The following COL11A1 variants were observed in gnomAD, a reference collection of about 807,000 sequenced individuals.
COL11A1 encodes the protein collagen alpha-1(XI) chain.
In COL11A1, 74 loss-of-function variants were observed where a neutral mutation model predicts 265.2. The ratio of observed to expected loss-of-function variants is 0.28; its 90% CI spans 0.23 to 0.34. The LOEUF is 0.34. Ranked by LOEUF, COL11A1 falls within the 10% of genes least tolerant of loss-of-function variation. The pLI is 1.00. For missense variants in COL11A1, 2,165 were observed against 2,263.6 expected, an observed-to-expected ratio of 0.96 and a Z score of 0.88; for synonymous variants, 816 against 727.6, an observed-to-expected ratio of 1.12 and a Z score of -1.96.
Position 102,913,701 on chromosome 1 carries a change from C to T in COL11A1, c.3979-11G>A, listed in dbSNP as rs376294063. 1.1e-5 allele frequency: 18 copies of T among 1,612,450 alleles called. No homozygotes were observed. The highest frequency in any genetic ancestry group is 1.5e-5 in the Non-Finnish European group (18 of 1,178,850). ...AACACCATCTTGACCCTATAAGAGG[C>T]AATAAAATATGAAGCAAGATATATC... On this transcript the variant is annotated splice_polypyrimidine_tract_variant and intron_variant, in intron 52 of 66. Coordinates refer to ENST00000370096, the MANE Select transcript of COL11A1 (RefSeq NM_001854.4).
chr1:102,959,062 C>T (rs950866890), intron 41 of COL11A1, among the ~76,000 whole-genome samples: 2 of 152,182 alleles, frequency 1.3e-5, no homozygotes, highest in East Asian at 1.9e-4. Context: ...CCCAAGTCAT[C>T]GGCTCACTCC....
At chr1:102,958,760 T>A (rs1165394250) in intron 41 of COL11A1, among the ~76,000 whole-genome samples, 1 of 152,324 alleles carries the variant, frequency 6.6e-6, no homozygotes, top group African/African-American at 2.4e-5. Context: ...CTATCAAGCA[T>A]ATCTATTAGC....
intron 24 of COL11A1, 86 bp from the exon 25 acceptor site, chr1:102,998,449 T>C: frequency 1.1e-6 from 1 of 909,712 alleles, no homozygotes; most frequent in Non-Finnish European, 1.6e-6. Flanking sequence ...GAAATTCTTA[T>C]CCTGAGTCAC....
intron 63 of COL11A1, among the ~76,000 whole-genome samples, chr1:102,883,691 A>G (rs1418836469): frequency 1.3e-5 from 2 of 152,156 alleles, no homozygotes; most frequent in Non-Finnish European, 2.9e-5. Flanking sequence ...ATTATTTACT[A>G]CTTAAGTAAT....
intron 57 of COL11A1, among the ~76,000 whole-genome samples, chr1:102,897,789 T>G (rs1419972045): frequency 6.6e-6 from 1 of 152,124 alleles, no homozygotes; most frequent in African/African-American, 2.4e-5. Context: ...CTTTTTAAAG[T>G]GAAATGCCAG....
chr1:102,900,507 A>G (rs1653048814), intron 54 of COL11A1, among the ~76,000 whole-genome samples: 1 of 152,132 alleles, frequency 6.6e-6, no homozygotes, highest in Non-Finnish European at 1.5e-5. Context: ...TCCTTATTCA[A>G]TGACAGTTTT....
chr1:103,062,466 A>T (rs1670749446), intron 4 of COL11A1, among the ~76,000 whole-genome samples: 2 of 151,994 alleles, frequency 1.3e-5, no homozygotes, highest in Admixed American at 1.3e-4. Context: ...GGTATATAAA[A>T]TAAGTAAATG....
At chr1:102,886,124 T>G (rs1324495996) in intron 63 of COL11A1, among the ~76,000 whole-genome samples, 1 of 152,188 alleles carries the variant, frequency 6.6e-6, no homozygotes, top group African/African-American at 2.4e-5. Context: ...GATGAAGATC[T>G]GCCCCTTGCT....
chr1:103,033,776 T>G (rs1002051586), intron 4 of COL11A1, among the ~76,000 whole-genome samples: 4 of 152,114 alleles, frequency 2.6e-5, no homozygotes, highest in Admixed American at 2.6e-4. Flanking sequence ...TTAGTGAACA[T>G]TCTTTTAAAT....
At chr1:102,961,970 C>G in intron 40 of COL11A1, 51 bp from the exon 41 acceptor site, 3 of 1,508,940 alleles carry the variant, frequency 2.0e-6, no homozygotes, top group Non-Finnish European at 2.7e-6. Context: ...AATTGAATAC[C>G]AATAGGAGGA....
chr1:103,056,038 A>AACTT (rs1670220465), intron 4 of COL11A1, among the ~76,000 whole-genome samples: 1 of 152,176 alleles, frequency 6.6e-6, no homozygotes, highest in Non-Finnish European at 1.5e-5. Context: ...CTACAGGTAT[A>AACTT]ACTTACTTGT....
At chr1:103,005,407 A>G (rs560183614) in intron 18 of COL11A1, among the ~76,000 whole-genome samples, 1 of 152,258 alleles carries the variant, frequency 6.6e-6, no homozygotes, top group East Asian at 1.9e-4. Context: ...ACCATCACCA[A>G]AAAATAATAT....
chr1:103,097,701 GA>G (rs1673894701), intron 1 of COL11A1, among the ~76,000 whole-genome samples: 1 of 151,982 alleles, frequency 6.6e-6, no homozygotes, highest in Non-Finnish European at 1.5e-5. Context: ...ACGTGGCAAT[GA>G]AATGAATGAA....
intron 17 of COL11A1, 54 bp downstream of exon 17, chr1:103,006,014 T>C: frequency 6.2e-7 from 1 of 1,611,750 alleles, no homozygotes. Context: ...AATATAAAAT[T>C]TTCCAGAGTG....
intron 39 of COL11A1, 129 bp downstream of exon 39, chr1:102,962,524 C>T (rs896507824): frequency 4.6e-5 from 40 of 866,396 alleles, no homozygotes; most frequent in African/African-American, 2.2e-4. Context: ...GTACAATAAA[C>T]GCACATTAAA....
chr1:103,092,571 A>C lies in COL11A1; in HGVS notation c.107-9599T>G, dbSNP rs763194303. ...CAATAAATGAAAACTGCATAAGATTAAGTGTAGTGCATTCTGTACTACTGT... is the reference window on the plus strand; with the variant it reads ...CAATAAATGAAAACTGCATAAGATTCAGTGTAGTGCATTCTGTACTACTGT... On this transcript the variant is annotated intron_variant, in intron 1 of 66. Transcript: ENST00000370096. Among the ~76,000 whole-genome samples, 31 of 152,278 alleles carry C rather than the reference A, an allele frequency of 2.0e-4. 1 individual carries two copies. Among genetic ancestry groups the C allele is most frequent in the Non-Finnish European group, 2.9e-4 (20 of 67,992 alleles).
Position 102,940,497 on chromosome 1 carries a change from A to G in COL11A1, c.3277-63T>C, listed in dbSNP as rs140740778. ...TTGAAGTGCAGCTACAAGAGTAATA[A>G]TCTAGCTTCTATATTTGACAAGGAT... On this transcript the variant is annotated intron_variant, in intron 42 of 66. Transcript: ENST00000370096. The G allele has an allele frequency of 1.9e-3, 2,220 of 1,170,484 alleles. 26 individuals are homozygous for G. In the African/African-American group the frequency reaches 0.031, roughly 16 times the overall value. The allele number at this position is 1,170,484 out of a possible 1,614,324, so 72.5% of individuals were successfully genotyped here.
At chr1:102,889,683 A>G in intron 58 of COL11A1, 121 bp from the exon 59 acceptor site, 1 of 727,776 alleles carries the variant, frequency 1.4e-6, no homozygotes, top group Non-Finnish European at 2.4e-6. Context: ...TGATAAAACA[A>G]CATTAAAATA....
In COL11A1 at chr1:102,961,917, A is replaced by C; in HGVS notation, c.3117T>G (p.Gly1039=). 1.2e-6 allele frequency: 2 copies of C among 1,612,668 alleles called. No homozygotes were observed. Among genetic ancestry groups the C allele is most frequent in the Non-Finnish European group, 1.7e-6 (2 of 1,179,434 alleles). The change falls in exon 41 of 67, where the codon GGT becomes GGG. Residue 1039 remains glycine (G), a splice_region_variant and synonymous_variant. Coordinates refer to ENST00000370096, the MANE Select transcript of COL11A1 (RefSeq NM_001854.4). Reference sequence around the variant, plus strand: ...CTTCCCCTCCTTTCAGTCCAGGTGCACCCTGGGAAAAGTGAAAAAAATAAA... The same window carrying C: ...CTTCCCCTCCTTTCAGTCCAGGTGCCCCCTGGGAAAAGTGAAAAAAATAAA... The part of the protein sequence containing the change: ...PGERGLPGAQ[G]APGLKGGEGP...
Sources: gnomAD v4.1 joint callset for allele counts (sites outside exome capture counted in the v4.1 genomes callset) on GRCh38, gnomAD v4.1.1 for gene constraint, MANE v1.5 for transcripts, NCBI Gene and HGNC (gene_info 2026-07-23, HGNC 2026-07-21) for gene names.